CDH18: variants seen among roughly 807,000 people sequenced by gnomAD.
CDH18 encodes the protein cadherin 18, also known as cadherin-18.
CDH18 carries 31 observed loss-of-function variants against 67.9 expected under a neutral mutation model. The observed-to-expected ratio is 0.46, with a 90% CI of 0.34 to 0.62. CDH18 has a LOEUF of 0.62. Among genes scored for constraint, CDH18 ranks in the 20% least tolerant of loss-of-function variants. The probability of loss-of-function intolerance (pLI) is 0.01; values close to 1 mark genes in which losing one functional copy is unlikely to be tolerated. For synonymous variants in CDH18, 362 were observed against 347.2 expected, an observed-to-expected ratio of 1.04 and a Z score of -0.48; for missense variants, 890 against 975.5, an observed-to-expected ratio of 0.91 and a Z score of 1.17.
At chr5:19,667,450 A>G (rs1479081470) in intron 5 of CDH18, among the ~76,000 whole-genome samples, 1 of 149,814 alleles carries the variant, frequency 6.7e-6, no homozygotes, top group East Asian at 2.0e-4. Context: ...TTAAAATATA[A>G]TTAATTTCAT....
chr5:20,313,604 T>C (rs1373927184), intron 1 of CDH18, among the ~76,000 whole-genome samples: 1 of 151,966 alleles, frequency 6.6e-6, no homozygotes, highest in Non-Finnish European at 1.5e-5. Flanking sequence ...TTCAGGAAAA[T>C]AGTGTCAAAC....
At chr5:20,317,829 T>C (rs2150000652) in intron 1 of CDH18, among the ~76,000 whole-genome samples, 1 of 152,282 alleles carries the variant, frequency 6.6e-6, no homozygotes, top group East Asian at 1.9e-4. Flanking sequence ...AGAGGGATGA[T>C]TAGAATGGTT....
intron 2 of CDH18, among the ~76,000 whole-genome samples, chr5:20,135,887 T>TGAGTGA (rs1749671895): frequency 1.3e-5 from 2 of 152,220 alleles, no homozygotes; most frequent in Non-Finnish European, 2.9e-5. Context: ...TCAGTTTCCA[T>TGAGTGA]GTAGTTGTGC....
At chr5:19,543,773 A>G (rs1735816212) in intron 9 of CDH18, 96 bp downstream of exon 9, 1 of 834,662 alleles carries the variant, frequency 1.2e-6, no homozygotes, top group East Asian at 2.5e-5. Flanking sequence ...TCCTGATATC[A>G]AAAATAAAGA....
chr5:20,236,702 G>C (rs1217478748), intron 2 of CDH18, among the ~76,000 whole-genome samples: 1 of 151,928 alleles, frequency 6.6e-6, no homozygotes, highest in East Asian at 1.9e-4. Context: ...CATTTAAAAA[G>C]TTCAACAAAG....
At chr5:20,308,079 C>CTTTTTTTTT (rs759117114) in intron 1 of CDH18, among the ~76,000 whole-genome samples, 36 of 85,404 alleles carry the variant, frequency 4.2e-4, no homozygotes, top group South Asian at 7.3e-4. Flanking sequence ...AATACTACTG[C>CTTTTTTTTT]TTTTTTTTTT....
intron 3 of CDH18, among the ~76,000 whole-genome samples, chr5:19,785,145 G>C (rs1297248441): frequency 6.6e-6 from 1 of 152,112 alleles, no homozygotes; most frequent in African/African-American, 2.4e-5. Context: ...CATATTGGCT[G>C]AACGTAAACC....
intron 2 of CDH18, among the ~76,000 whole-genome samples, chr5:20,150,305 T>C (rs1751001139): frequency 6.6e-6 from 1 of 152,072 alleles, no homozygotes; most frequent in African/African-American, 2.4e-5. Context: ...TTTGTATATT[T>C]ACAGGATACT....
At chr5:20,298,963 G>A (rs1747745905) in intron 1 of CDH18, among the ~76,000 whole-genome samples, 2 of 152,098 alleles carry the variant, frequency 1.3e-5, no homozygotes, top group Admixed American at 1.3e-4. Flanking sequence ...ACAAGAATGA[G>A]GAGTAGAGTA....
intron 2 of CDH18, among the ~76,000 whole-genome samples, chr5:20,223,236 C>T (rs1351908417): frequency 6.6e-6 from 1 of 152,040 alleles, no homozygotes; most frequent in East Asian, 1.9e-4. Flanking sequence ...AGAAATGGAG[C>T]CAAAGGAGAT....
intron 2 of CDH18, among the ~76,000 whole-genome samples, chr5:20,063,959 A>G (rs956351052): frequency 6.6e-5 from 10 of 152,198 alleles, no homozygotes; most frequent in African/African-American, 2.4e-4. Flanking sequence ...CAGTTATATA[A>G]GATCAATAAA....
chr5:20,055,076 T>C (rs1580135064), intron 2 of CDH18, among the ~76,000 whole-genome samples: 1 of 145,126 alleles, frequency 6.9e-6, no homozygotes. Context: ...TAAGTAGTCA[T>C]TTTTTTTTCC....
chr5:19,947,321 C>CA (rs1269160378), intron 2 of CDH18, among the ~76,000 whole-genome samples: 1 of 151,408 alleles, frequency 6.6e-6, no homozygotes, highest in East Asian at 1.9e-4. Context: ...AATTAACCCA[C>CA]AAAAAAATCA....
chr5:20,395,026 G>C (rs979833160), intron 1 of CDH18, among the ~76,000 whole-genome samples: 1 of 152,154 alleles, frequency 6.6e-6, no homozygotes, highest in Non-Finnish European at 1.5e-5. Context: ...GTGGAAAACA[G>C]TATGGAGATT....
At chr5:20,296,729 T>C (rs777135884) in intron 1 of CDH18, among the ~76,000 whole-genome samples, 1 of 151,824 alleles carries the variant, frequency 6.6e-6, no homozygotes, top group Non-Finnish European at 1.5e-5. Flanking sequence ...AAATATTAAA[T>C]GTAATTAAAA....
intron 1 of CDH18, among the ~76,000 whole-genome samples, chr5:20,450,208 G>A (rs182046360): frequency 3.2e-4 from 49 of 152,136 alleles, no homozygotes; most frequent in South Asian, 8.3e-4. Context: ...TTAGCCAGAC[G>A]TGGTGGCACA....
At chr5:20,095,158 G>A (rs1745781005) in intron 2 of CDH18, among the ~76,000 whole-genome samples, 1 of 151,774 alleles carries the variant, frequency 6.6e-6, no homozygotes, top group Non-Finnish European at 1.5e-5. Context: ...CCTGTCGGGG[G>A]ATGAGGGGCA....
intron 1 of CDH18, among the ~76,000 whole-genome samples, chr5:20,518,734 A>AG (rs1470769147): frequency 6.6e-6 from 1 of 152,200 alleles, no homozygotes; most frequent in Admixed American, 6.6e-5. Flanking sequence ...TCCCTTACTA[A>AG]GACAGTTTAT....
intron 2 of CDH18, among the ~76,000 whole-genome samples, chr5:20,075,315 C>T (rs961293192): frequency 2.0e-5 from 3 of 152,026 alleles, no homozygotes; most frequent in African/African-American, 7.2e-5. Context: ...CCGTCCTGGC[C>T]AACATGGTGA....
Sources: allele counts gnomAD v4.1 joint callset (sites outside exome capture counted in the v4.1 genomes callset), GRCh38; gene constraint gnomAD v4.1.1; transcripts MANE v1.5; gene names NCBI Gene and HGNC (gene_info 2026-07-23, HGNC 2026-07-21).